PIDD1: variants seen among roughly 807,000 people sequenced by gnomAD.
The protein encoded by PIDD1 is p53-induced death domain-containing protein 1.
In PIDD1, 72 loss-of-function variants were observed where a neutral mutation model predicts 80.0. That is an observed-to-expected ratio of 0.90 (90% CI 0.74 to 1.09). PIDD1 has a LOEUF of 1.09. PIDD1 is among the 50% of genes least tolerant of loss of function. The probability of loss-of-function intolerance (pLI) is 0.00; values close to 1 mark genes in which losing one functional copy is unlikely to be tolerated. For synonymous variants in PIDD1, 655 were observed against 543.5 expected, an observed-to-expected ratio of 1.21 and a Z score of -2.85; for missense variants, 1,329 against 1,228.3, an observed-to-expected ratio of 1.08 and a Z score of -1.23.
rs1410579612 is a variant in PIDD1 at position 800,429 on chromosome 11, G to T, written c.2064C>A (p.Gly688=). 1 of 1,511,610 alleles carries T rather than the reference G, an allele frequency of 6.6e-7. No individual in the cohort carries two copies. Among genetic ancestry groups the T allele is most frequent in the Non-Finnish European group, 9.1e-7 (1 of 1,100,872 alleles). 93.6% of individuals were successfully genotyped at this position (1,511,610 alleles called of 1,614,324 possible). A position where few individuals can be genotyped will look rare whatever the true frequency, so the allele number is the denominator to read the frequency against. The change falls in exon 13 of 16, where the codon GGC becomes GGA. Residue 688 remains glycine, a synonymous_variant. Coordinates refer to ENST00000347755, the MANE Select transcript of PIDD1 (RefSeq NM_145886.4). ...VDADRPDCVE[G]RICFVFYSHL... is the part of the protein sequence containing the mutation. ...GCGAGTAGAAGACAAAGCAGATTCT[G>T]CCCTCCACACAGTCAGGGCGGTCTA... is the stretch of plus-strand genomic sequence containing the variant.
upstream of PIDD1, among the ~76,000 whole-genome samples, chr11:809,251 G>A (rs551137478): frequency 6.6e-6 from 1 of 152,248 alleles, no homozygotes; most frequent in Non-Finnish European, 1.5e-5. Context: ...TGACCACTCA[G>A]ACCTCACTCC....
At chr11:805,529 C>T (rs1020300036), upstream of PIDD1, 37 of 820,944 alleles carry the variant, frequency 4.5e-5, no homozygotes, top group Non-Finnish European at 5.0e-5. Flanking sequence ...GTTCTCGGGG[C>T]CCCGGGCCGC....
At chr11:806,555 C>T (rs150103592), upstream of PIDD1, among the ~76,000 whole-genome samples, 510 of 152,156 alleles carry the variant, frequency 3.4e-3, 4 homozygotes, top group Middle Eastern at 0.017. Context: ...TTCACCCCAG[C>T]CCCTTCCATG....
intron 3 of PIDD1, 109 bp from the exon 4 acceptor site, chr11:803,000 G>A (rs2133797270): frequency 9.2e-7 from 1 of 1,089,550 alleles, no homozygotes; most frequent in East Asian, 2.6e-5. Flanking sequence ...CCACAGCTGG[G>A]CTCAGAGAAC....
chr11:801,611 T>C lies in PIDD1; in HGVS notation c.1316A>G (p.His439Arg). The C allele has an allele frequency of 6.5e-7, 1 of 1,550,212 alleles. No homozygotes were observed. ...CCAGGAGAAGTGGGGCACCTGGCAG[T>C]GAGCCCAGAGCCGCTGGGATGGGGG... is the stretch of plus-strand genomic sequence containing the variant. The part of the protein sequence containing the change: ...EEEAPQRLWA[H>R]CQVPHFSWFL... Residue 439 changes from histidine (H) to arginine (R), a missense_variant, in exon 8 of 16, where the codon CAC (histidine) becomes CGC (arginine). Physicochemically the swap from His to Arg is conservative, Grantham distance 29. Transcript: ENST00000347755.
intron 6 of PIDD1, 34 bp from the exon 7 acceptor site, chr11:802,124 ATG>A (rs1258912349): frequency 1.3e-6 from 2 of 1,564,052 alleles, no homozygotes; most frequent in African/African-American, 1.4e-5. Context: ...CACTGGAGCC[ATG>A]CCCGGGCCCG....
At chr11:807,875 G>A (rs367892487), upstream of PIDD1, among the ~76,000 whole-genome samples, 10 of 152,318 alleles carry the variant, frequency 6.6e-5, no homozygotes, top group Admixed American at 2.0e-4. Context: ...CAATCCTCAA[G>A]CCTGGCCCAC....
chr11:804,158 C>T lies in PIDD1; in HGVS notation c.231G>A (p.Leu77=). The T allele has an allele frequency of 6.2e-7, 1 of 1,613,288 alleles. No homozygotes were observed. The highest frequency in any genetic ancestry group is 8.5e-7 in the Non-Finnish European group (1 of 1,179,836). The change falls in exon 2 of 16, where the codon CTG becomes CTA. Residue 77 remains leucine (L), a synonymous_variant. Transcript: ENST00000347755. The part of the protein sequence containing the change: ...LRLSTHEDPQ[L]LEATLAQLPQ... ...GCAGCTGGGCCAGGGTGGCCTCCAG[C>T]AGCTGAGGGTCCTCGTGAGTGCTCA... is the stretch of plus-strand genomic sequence containing the variant.
chr11:805,234 G>A (rs7484123), upstream of PIDD1: 473,739 of 983,582 alleles, frequency 0.48, 118,521 homozygotes, highest in Admixed American at 0.55. Flanking sequence ...CGGCGCCTGG[G>A]ATCCCGCCGG....
chr11:803,293 T>C lies in PIDD1; in HGVS notation c.590A>G (p.Gln197Arg). ...PPALGALSTL[Q>R]RLDLSQNLLD... ...CAGATTCTGAGAGAGATCGAGGCGC[T>C]GCAGGGTGGATAGGGCCCCCAGTGC... is the stretch of plus-strand genomic sequence containing the variant. Residue 197 changes from glutamine to arginine, a missense_variant, in exon 3 of 16, where the codon CAG becomes CGG. Coordinates refer to ENST00000347755, the MANE Select transcript of PIDD1 (RefSeq NM_145886.4). The C allele has an allele frequency of 4.3e-6, 7 of 1,613,810 alleles. No individual in the cohort carries two copies. The highest frequency in any genetic ancestry group is 5.9e-6 in the Non-Finnish European group (7 of 1,179,982).
At position 802,642 on chromosome 11, in the gene PIDD1, T is replaced by C. The variant is rs775081899; in HGVS notation, c.919+40A>G. The C allele has an allele frequency of 4.0e-5, 64 of 1,608,086 alleles. No homozygotes were observed. In the East Asian group the frequency reaches 1.2e-3, roughly 31 times the overall value. On this transcript the variant is annotated intron_variant, in intron 4 of 15. Coordinates refer to ENST00000347755, the MANE Select transcript of PIDD1 (RefSeq NM_145886.4). ...GTGCTCAGGACAGTGAGGAGACTCATGTCCTATCCCAGGTCTGCCCCTTCT... is the reference window on the plus strand; with the variant it reads ...GTGCTCAGGACAGTGAGGAGACTCACGTCCTATCCCAGGTCTGCCCCTTCT...
In PIDD1 at chr11:804,311, C is replaced by G; in HGVS notation, c.78G>C (p.Gly26=). 1 of 1,612,696 alleles carries G rather than the reference C, an allele frequency of 6.2e-7. No individual in the cohort carries two copies. Among genetic ancestry groups the G allele is most frequent in the Non-Finnish European group, 8.5e-7 (1 of 1,179,866 alleles). The change falls in exon 2 of 16, where the codon GGG becomes GGC. Residue 26 remains glycine, a synonymous_variant. Transcript: ENST00000347755. ...AGDASEDSDA[G]SRALPFLGGN... is the part of the protein sequence containing the mutation. Reference sequence around the variant, plus strand: ...CGCCCAGGAAAGGCAGCGCCCTGGACCCTGCGTCCGAATCCTCTGAAGCAT... The same window carrying G: ...CGCCCAGGAAAGGCAGCGCCCTGGAGCCTGCGTCCGAATCCTCTGAAGCAT...
chr11:803,615 C>A, intron 2 of PIDD1, 28 bp from the exon 3 acceptor site: 1 of 1,583,450 alleles, frequency 6.3e-7, no homozygotes, highest in Non-Finnish European at 8.6e-7. Flanking sequence ...GGATGTGGCC[C>A]TCAGAGCCAG....
Position 800,674 on chromosome 11 carries a change from G to C in PIDD1, c.1918-8C>G, listed in dbSNP as rs1865219970. The C allele has an allele frequency of 6.3e-7, 1 of 1,575,522 alleles. No individual in the cohort carries two copies. Among genetic ancestry groups the C allele is most frequent in the Non-Finnish European group, 8.6e-7 (1 of 1,167,318 alleles). ...CCGAAGGGTGGCGTCCACCTGCGGG[G>C]AAGCCCGTGCAGCTCAGGACCCAAA... On this transcript the variant is annotated splice_polypyrimidine_tract_variant and splice_region_variant and intron_variant, in intron 11 of 15. Transcript: ENST00000347755.
chr11:807,633 C>G (rs188781131), upstream of PIDD1, among the ~76,000 whole-genome samples: 11 of 149,142 alleles, frequency 7.4e-5, no homozygotes, highest in African/African-American at 2.2e-4. Context: ...AAAACTTAGC[C>G]GGGCGCGGTA....
At chr11:802,958 C>G in intron 3 of PIDD1, 67 bp from the exon 4 acceptor site, 3 of 1,355,540 alleles carry the variant, frequency 2.2e-6, no homozygotes, top group Non-Finnish European at 3.1e-6. Flanking sequence ...CTCCTGCTGC[C>G]GCCTCCCAGA....
At chr11:801,909 C>T (rs926853360) in intron 7 of PIDD1, 56 bp downstream of exon 7, 16 of 1,581,626 alleles carry the variant, frequency 1.0e-5, no homozygotes, top group Non-Finnish European at 1.4e-5. Flanking sequence ...GGCAGAGGTG[C>T]ACGGCTCAGG....
At chr11:806,633 A>T (rs1590159030), upstream of PIDD1, among the ~76,000 whole-genome samples, 1 of 148,998 alleles carries the variant, frequency 6.7e-6, no homozygotes, top group African/African-American at 2.5e-5. Context: ...CAGAGGCTGG[A>T]GTGCAGTGGC....
At position 802,698 on chromosome 11, in the gene PIDD1, G is replaced by A. The variant is rs373164089; in HGVS notation, c.903C>T (p.Asp301=). The A allele has an allele frequency of 2.6e-5, 42 of 1,610,744 alleles. No individual in the cohort carries two copies. Among genetic ancestry groups the A allele is most frequent in the Middle Eastern group, 3.3e-4 (2 of 6,050 alleles). ...CAAGCCTACCTGGTGAACTCGGGGC[G>A]TCTGGCGAGGCCTCACCCAGGGGGT... The part of the protein sequence containing the change: ...QGNPLGEASP[D]APSSPVAALI... The change falls in exon 4 of 16, where the codon GAC becomes GAT. Residue 301 remains aspartate, a synonymous_variant. Transcript: ENST00000347755.
Sources: allele counts gnomAD v4.1 joint callset (sites outside exome capture counted in the v4.1 genomes callset), GRCh38; gene constraint gnomAD v4.1.1; transcripts MANE v1.5; gene names NCBI Gene and HGNC (gene_info 2026-07-23, HGNC 2026-07-21).